Variants in SMU1 observed in about 807,000 individuals in gnomAD.
SMU1 encodes SMU1 DNA replication regulator and spliceosomal factor.
SMU1 carries 2 observed loss-of-function variants against 62.0 expected under a neutral mutation model. The observed-to-expected ratio is 0.03, with a 90% confidence interval of 0.01 to 0.10. The LOEUF (loss-of-function observed/expected upper bound fraction) is 0.10, where lower values mean the gene tolerates loss of function less well. Among genes scored for constraint, SMU1 ranks in the 10% least tolerant of loss-of-function variants. The probability of loss-of-function intolerance (pLI) is 1.00; values close to 1 mark genes in which losing one functional copy is unlikely to be tolerated. For missense variants in SMU1, 227 were observed against 622.1 expected, an observed-to-expected ratio of 0.36 and a Z score of 6.76; for synonymous variants, 188 against 212.4, an observed-to-expected ratio of 0.89 and a Z score of 1.00.
In SMU1 at chr9:33,056,259, G is replaced by GA; in HGVS notation, c.996-21dup. 1 of 1,601,490 alleles carries GA rather than the reference G, an allele frequency of 6.2e-7. No individual in the cohort carries two copies. Among genetic ancestry groups the GA allele is most frequent in the Non-Finnish European group, 8.5e-7 (1 of 1,173,108 alleles). Reference sequence around the variant, plus strand: ...TGAATTCTACCAAATGAAAGTAAATGAAAAGAACAATAAATATTTAATATC... The same window carrying GA: ...TGAATTCTACCAAATGAAAGTAAATGAAAAAGAACAATAAATATTTAATATC... On this transcript the variant is annotated intron_variant, in intron 8 of 11. Coordinates refer to ENST00000397149, the MANE Select transcript of SMU1 (RefSeq NM_018225.3).
In SMU1 at chr9:33,042,868, C is replaced by T. The variant is rs1839140879; in HGVS notation, c.*4425G>A. 1 of 152,362 alleles carries T rather than the reference C, an allele frequency of 6.6e-6. No individual in the cohort carries two copies. The highest frequency in any genetic ancestry group is 1.5e-5 in the Non-Finnish European group (1 of 68,144). The allele number at this position is 152,362 out of a possible 1,614,324, so 9.4% of individuals were successfully genotyped here. ...TTTTTGTTTTTGAGACCAAGTCTTGCTCTGTCACCCAGGCTGGAGTGCAGT... is the reference window on the plus strand; with the variant it reads ...TTTTTGTTTTTGAGACCAAGTCTTGTTCTGTCACCCAGGCTGGAGTGCAGT... On this transcript the variant is annotated 3_prime_UTR_variant, in exon 12 of 12. Coordinates refer to ENST00000397149, the MANE Select transcript of SMU1 (RefSeq NM_018225.3).
intron 6 of SMU1, 47 bp downstream of exon 6, chr9:33,060,408 TAATTCAAAGC>T: frequency 2.2e-5 from 32 of 1,442,448 alleles, no homozygotes; most frequent in Non-Finnish European, 2.8e-5. Context: ...CATAGGTAAG[TAATTCAAAGC>T]AGGTAATTTT....
intron 10 of SMU1, among the ~76,000 whole-genome samples, chr9:33,051,424 A>G (rs1436756904): frequency 1.3e-5 from 2 of 152,204 alleles, no homozygotes; most frequent in Admixed American, 6.5e-5. Flanking sequence ...CCTACAGAAC[A>G]TACAACACCA....
At chr9:33,062,871 T>C (rs941329385) in intron 4 of SMU1, among the ~76,000 whole-genome samples, 1 of 152,222 alleles carries the variant, frequency 6.6e-6, no homozygotes, top group African/African-American at 2.4e-5. Context: ...AGGCTCTTGA[T>C]ATATTTGATA....
intron 9 of SMU1, among the ~76,000 whole-genome samples, chr9:33,055,522 T>C (rs1839294557): frequency 6.6e-6 from 1 of 152,238 alleles, no homozygotes; most frequent in African/African-American, 2.4e-5. Flanking sequence ...TATTTGGGTT[T>C]CTCATATCTT....
chr9:33,048,437 T>A (rs1005564427), intron 10 of SMU1, among the ~76,000 whole-genome samples, 179 bp from the exon 11 acceptor site: 1 of 152,230 alleles, frequency 6.6e-6, no homozygotes, highest in Non-Finnish European at 1.5e-5. Context: ...AAATATTCAA[T>A]AGATAAGTAA....
chr9:33,074,404 G>C (rs1315348882), intron 1 of SMU1, among the ~76,000 whole-genome samples: 2 of 151,596 alleles, frequency 1.3e-5, no homozygotes, highest in African/African-American at 4.9e-5. Flanking sequence ...TTCAAGACCA[G>C]CATGGGCAAC....
intron 10 of SMU1, among the ~76,000 whole-genome samples, chr9:33,049,960 GAA>G (rs1839225434): frequency 1.3e-5 from 2 of 152,038 alleles, no homozygotes; most frequent in African/African-American, 4.8e-5. Flanking sequence ...GGAAGAAAAT[GAA>G]AAGACAAGCC....
At chr9:33,051,363 C>T (rs926817028) in intron 10 of SMU1, among the ~76,000 whole-genome samples, 2 of 152,118 alleles carry the variant, frequency 1.3e-5, no homozygotes, top group Non-Finnish European at 2.9e-5. Flanking sequence ...AGTGAAACTA[C>T]TCTGTACAAT....
intron 2 of SMU1, among the ~76,000 whole-genome samples, chr9:33,072,293 TGCTA>T (rs1564025481): frequency 6.6e-6 from 1 of 151,604 alleles, no homozygotes; most frequent in African/African-American, 2.4e-5. Context: ...GCCAAGCTCA[TGCTA>T]CTGTACTCTG....
chr9:33,053,317 A>G (rs1455981607), intron 9 of SMU1, 27 bp from the exon 10 acceptor site: 1 of 1,603,182 alleles, frequency 6.2e-7, no homozygotes, highest in African/African-American at 1.3e-5. Context: ...TAAGTTATAA[A>G]CCTTTTTTAG....
rs149834934 is a variant in SMU1, at chr9:33,065,658, G to A, written c.501+3166C>T. Among the ~76,000 whole-genome samples, 742 of 152,248 alleles carry A rather than the reference G, an allele frequency of 4.9e-3. 9 individuals are homozygous for A. The highest frequency in any genetic ancestry group is 0.017 in the African/African-American group (718 of 41,552). On this transcript the variant is annotated intron_variant, in intron 4 of 11. Coordinates refer to ENST00000397149, the MANE Select transcript of SMU1 (RefSeq NM_018225.3). ...CTCCAAAAAGGCTTAGGAACTGGAG[G>A]AATCACATACCCTTCAAGCACAAGG... is the stretch of plus-strand genomic sequence containing the variant.
intron 1 of SMU1, 142 bp downstream of exon 1, chr9:33,076,441 G>T (rs66650617): frequency 0.039 from 39,665 of 1,018,872 alleles, 930 homozygotes; most frequent in Non-Finnish European, 0.049. Context: ...GAGGTAGCGA[G>T]ATCCAAGATG....
chr9:33,056,182 A>G lies in SMU1; in HGVS notation c.1053T>C (p.Phe351=), dbSNP rs1405015376. Residue 351 remains phenylalanine (F), a synonymous_variant, in exon 9 of 12, where the codon TTT becomes TTC. Transcript: ENST00000397149. ...TLKEFRGHSS[F]VNEATFTQDG... ...CTTGTGTAAATGTTGCTTCGTTAAC[A>G]AAGGAGGAATGGCCACGAAATTCCT... is the stretch of plus-strand genomic sequence containing the variant. The G allele has an allele frequency of 6.2e-7, 1 of 1,613,444 alleles. No homozygotes were observed. Among genetic ancestry groups the G allele is most frequent in the African/African-American group, 1.3e-5 (1 of 74,942 alleles).
chr9:33,049,159 C>T (rs144889080), intron 10 of SMU1, among the ~76,000 whole-genome samples: 19 of 152,240 alleles, frequency 1.2e-4, no homozygotes, highest in East Asian at 1.9e-4. Context: ...CCCAGAATAG[C>T]GAACTCAATG....
intron 9 of SMU1, 112 bp downstream of exon 9, chr9:33,056,001 C>G: frequency 9.3e-7 from 1 of 1,076,436 alleles, no homozygotes; most frequent in Non-Finnish European, 1.3e-6. Context: ...GCTAAAATAG[C>G]CAGGAAAGAG....
intron 10 of SMU1, among the ~76,000 whole-genome samples, chr9:33,048,970 A>G (rs929628327): frequency 6.6e-6 from 1 of 152,250 alleles, no homozygotes; most frequent in Non-Finnish European, 1.5e-5. Flanking sequence ...CTGATGAAGG[A>G]TATCAAAGAA....
intron 4 of SMU1, among the ~76,000 whole-genome samples, chr9:33,068,315 A>C (rs16918982): frequency 6.6e-6 from 1 of 152,124 alleles, no homozygotes; most frequent in East Asian, 1.9e-4. Context: ...CCCTAATTCT[A>C]ACTGACTCCA....
At chr9:33,070,132 A>T (rs10971384) in intron 3 of SMU1, among the ~76,000 whole-genome samples, 10,729 of 152,210 alleles carry the variant, frequency 0.07, 512 homozygotes, top group Non-Finnish European at 0.11. Context: ...AAACAACAAC[A>T]ACAACAACAA....
Sources: allele counts gnomAD v4.1 joint callset (sites outside exome capture counted in the v4.1 genomes callset), GRCh38; gene constraint gnomAD v4.1.1; transcripts MANE v1.5; gene names NCBI Gene and HGNC (gene_info 2026-07-23, HGNC 2026-07-21).